Variants in EDEM1 observed in about 807,000 individuals in gnomAD.
The protein encoded by EDEM1 is ER degradation enhancing alpha-mannosidase like protein 1.
A neutral mutation model predicts 74.4 loss-of-function variants in EDEM1; 67 were observed. That is an observed-to-expected ratio of 0.90 (90% confidence interval 0.74 to 1.10). The LOEUF is 1.10. EDEM1 is among the 50% of genes least tolerant of loss of function. The pLI, the probability that EDEM1 is intolerant of heterozygous loss-of-function variation, is 0.00. For synonymous variants in EDEM1, 382 were observed against 335.9 expected, an observed-to-expected ratio of 1.14 and a Z score of -1.50; for missense variants, 926 against 851.6, an observed-to-expected ratio of 1.09 and a Z score of -1.09.
Position 5,216,001 on chromosome 3 carries a change from G to C in EDEM1, c.*83G>C, listed in dbSNP as rs918255043. 8.5e-6 allele frequency: 10 copies of C among 1,178,188 alleles called. No homozygotes were observed. The African/African-American group carries it at 1.1e-4, about 13-fold the overall frequency. 73.0% of individuals were successfully genotyped at this position (1,178,188 alleles called of 1,614,324 possible). A position where few individuals can be genotyped will look rare whatever the true frequency, so the allele number is the denominator to read the frequency against. ...GCCAAAGTCCAGTCTGAAATGAAAG[G>C]GGACAGAAGTCTTGCTGTCCATGGT... On this transcript the variant is annotated 3_prime_UTR_variant, in exon 12 of 12. Transcript: ENST00000256497.
rs139871228 is a variant in EDEM1, at chr3:5,201,924, G to A, written c.858G>A (p.Arg286=). ...CCAAGACAGGGATTCCATATCCTCG[G>A]GTGGGTAGACTGGTTTGACCCTTTG... The part of the protein sequence containing the change: ...ENTKTGIPYP[R]VNLKTGVPPD... The change falls in exon 4 of 12, where the codon CGG becomes CGA. Residue 286 remains arginine (R), a splice_region_variant and synonymous_variant. Transcript: ENST00000256497. The A allele has an allele frequency of 4.6e-5, 74 of 1,612,854 alleles. No homozygotes were observed. The Admixed American group carries it at 1.1e-3, about 24-fold the overall frequency.
chr3:5,215,498 G>A (rs1310056871), intron 11 of EDEM1, among the ~76,000 whole-genome samples: 2 of 152,198 alleles, frequency 1.3e-5, no homozygotes. Flanking sequence ...AGCTTCCCTG[G>A]ATCTGCCATT....
chr3:5,213,557 G>C, intron 11 of EDEM1, 35 bp downstream of exon 11: 2 of 1,566,008 alleles, frequency 1.3e-6, no homozygotes, highest in Non-Finnish European at 1.7e-6. Context: ...TTTGCATATA[G>C]AGGAAGAGAA....
chr3:5,205,932 A>G (rs1197429012), intron 6 of EDEM1, among the ~76,000 whole-genome samples: 4 of 152,110 alleles, frequency 2.6e-5, no homozygotes, highest in African/African-American at 4.8e-5. Context: ...TGCTGCTACT[A>G]CAGGGGCTGA....
intron 2 of EDEM1, among the ~76,000 whole-genome samples, chr3:5,196,946 T>C (rs2054976097): frequency 6.6e-6 from 1 of 151,364 alleles, no homozygotes; most frequent in Non-Finnish European, 1.5e-5. Context: ...TTTTTTTTTT[T>C]TTTGAGAGAG....
intron 7 of EDEM1, 31 bp downstream of exon 7, chr3:5,207,304 C>T (rs2055110498): frequency 6.2e-7 from 1 of 1,611,938 alleles, no homozygotes; most frequent in South Asian, 1.1e-5. Context: ...CTAAGAATAA[C>T]CAATCACCAG....
chr3:5,213,005 A>G (rs2055186014), intron 10 of EDEM1, among the ~76,000 whole-genome samples: 1 of 152,188 alleles, frequency 6.6e-6, no homozygotes, highest in Non-Finnish European at 1.5e-5. Context: ...AGCACATGGA[A>G]ATCATCCAGT....
intron 2 of EDEM1, among the ~76,000 whole-genome samples, chr3:5,196,913 GTCTTT>G (rs200427526): frequency 0.014 from 2,034 of 150,322 alleles, 69 homozygotes; most frequent in East Asian, 0.1. Context: ...CATCGTCGTC[GTCTTT>G]TCTTTTCTTT....
Position 5,218,623 on chromosome 3 carries a change from A to G in EDEM1, c.*2705A>G, listed in dbSNP as rs1290814248. The G allele has an allele frequency of 2.0e-5, 3 of 152,122 alleles. No homozygotes were observed. The highest frequency in any genetic ancestry group is 2.0e-4 in the Admixed American group (3 of 15,278). 9.4% of individuals were successfully genotyped at this position (152,122 alleles called of 1,614,324 possible). A position where few individuals can be genotyped will look rare whatever the true frequency, so the allele number is the denominator to read the frequency against. ...GTGTCAGCTTTGCTCAGTGTGGTGG[A>G]AACATTTTGCAGAACTGTTGTAGAA... is the stretch of plus-strand genomic sequence containing the variant. On this transcript the variant is annotated 3_prime_UTR_variant, in exon 12 of 12. Transcript: ENST00000256497.
In EDEM1 at chr3:5,195,844, G is replaced by C. The variant is rs376468460; in HGVS notation, c.582+563G>C. ...CCTGTGGTTTTGCTCATTGACTCTG[G>C]AGAACTAGAGGCCTTTGAGCAGATA... On this transcript the variant is annotated intron_variant, in intron 2 of 11. Transcript: ENST00000256497. Among the ~76,000 whole-genome samples, 31 of 152,370 alleles carry C rather than the reference G, an allele frequency of 2.0e-4. No homozygotes were observed. The South Asian group carries it at 2.9e-3, about 14-fold the overall frequency.
Position 5,215,864 on chromosome 3 carries a change from G to A in EDEM1, c.1920G>A (p.Leu640=). The A allele has an allele frequency of 6.2e-7, 1 of 1,612,952 alleles. No homozygotes were observed. The highest frequency in any genetic ancestry group is 8.5e-7 in the Non-Finnish European group (1 of 1,179,580). ...TACCTGATGAGAGGAGGTACTCCCT[G>A]CCCTTAAAGAGCATCTACATGCGAC... ...NRVPDERRYS[L]PLKSIYMRQI... Residue 640 remains leucine, a synonymous_variant, in exon 12 of 12, where the codon CTG becomes CTA. Coordinates refer to ENST00000256497, the MANE Select transcript of EDEM1 (RefSeq NM_014674.3).
In EDEM1 at chr3:5,187,943, G is replaced by C. The variant is rs1309063345; in HGVS notation, c.138G>C (p.Leu46=). Residue 46 remains leucine (L), a synonymous_variant, in exon 1 of 12, where the codon CTG becomes CTC. Transcript: ENST00000256497. ...RFPLSFGFQR[L]RSPDGPASPT... ...CGCTCAGCTTCGGCTTCCAGCGTCT[G>C]AGGAGCCCCGACGGCCCCGCGTCGC... 6 of 1,577,964 alleles carry C rather than the reference G, an allele frequency of 3.8e-6. No individual in the cohort carries two copies. The highest frequency in any genetic ancestry group is 4.3e-6 in the Non-Finnish European group (5 of 1,165,678).
chr3:5,209,814 T>C (rs2106606809), intron 8 of EDEM1, among the ~76,000 whole-genome samples: 1 of 152,282 alleles, frequency 6.6e-6, no homozygotes, highest in African/African-American at 2.4e-5. Context: ...GTGTCTTAAG[T>C]TTCTGGAGAG....
intron 6 of EDEM1, among the ~76,000 whole-genome samples, chr3:5,206,658 T>C (rs1459935810): frequency 2.0e-5 from 3 of 152,184 alleles, no homozygotes; most frequent in Non-Finnish European, 2.9e-5. Context: ...TAAGGGGCCT[T>C]TTGAGTGGAA....
At chr3:5,198,940 G>A (rs2055003124) in intron 2 of EDEM1, among the ~76,000 whole-genome samples, 1 of 152,178 alleles carries the variant, frequency 6.6e-6, no homozygotes, top group Non-Finnish European at 1.5e-5. Flanking sequence ...GAGTGGCTTA[G>A]TGTGACGTCG....
intron 1 of EDEM1, chr3:5,188,528 C>T: frequency 2.3e-6 from 1 of 434,900 alleles, no homozygotes; most frequent in Non-Finnish European, 3.9e-6. Flanking sequence ...TCCTGATTCT[C>T]CCGGAATCTC....
rs762023211 is a variant in EDEM1 at position 5,195,299 on chromosome 3, T to C, written c.582+18T>C. The stretch of plus-strand genomic sequence containing the variant: ...CACTTGCAGTAAGTGTTCACCTTTT[T>C]TTAAAAAAATGAATTAAGATGTTTT... On this transcript the variant is annotated intron_variant, in intron 2 of 11. Coordinates refer to ENST00000256497, the MANE Select transcript of EDEM1 (RefSeq NM_014674.3). The C allele has an allele frequency of 1.3e-6, 2 of 1,492,290 alleles. No individual in the cohort carries two copies. Among genetic ancestry groups the C allele is most frequent in the Admixed American group, 4.2e-5 (2 of 47,498 alleles). The allele number at this position is 1,492,290 out of a possible 1,614,324, so 92.4% of individuals were successfully genotyped here. A position where few individuals can be genotyped will look rare whatever the true frequency, so the allele number is the denominator to read the frequency against.
chr3:5,199,799 G>T (rs1450531442), intron 3 of EDEM1, 104 bp downstream of exon 3: 1 of 826,720 alleles, frequency 1.2e-6, no homozygotes, highest in Non-Finnish European at 1.9e-6. Context: ...CAGGCAGGGA[G>T]TCCATATGGG....
At chr3:5,206,805 C>A (rs1199033608) in intron 6 of EDEM1, among the ~76,000 whole-genome samples, 1 of 152,210 alleles carries the variant, frequency 6.6e-6, no homozygotes, top group East Asian at 1.9e-4. Flanking sequence ...AAGAACCAAG[C>A]TTTTCTGCTC....
Sources: allele counts gnomAD v4.1 joint callset (sites outside exome capture counted in the v4.1 genomes callset), GRCh38; gene constraint gnomAD v4.1.1; transcripts MANE v1.5; gene names NCBI Gene and HGNC (gene_info 2026-07-23, HGNC 2026-07-21).